Variants in ANK3 observed in about 807,000 individuals in gnomAD.
ANK3 encodes the protein ankyrin 3, also known as ankyrin-3.
Under a neutral mutation model 370.9 loss-of-function variants are expected in ANK3, and 57 were observed. That is an observed-to-expected ratio of 0.15 (90% CI 0.12 to 0.19). ANK3 has a LOEUF of 0.19. Among genes scored for constraint, ANK3 ranks in the 10% least tolerant of loss-of-function variants. The probability of loss-of-function intolerance (pLI) is 1.00; values close to 1 mark genes in which losing one functional copy is unlikely to be tolerated. For synonymous variants in ANK3, 1,929 were observed against 1,946.3 expected, an observed-to-expected ratio of 0.99 and a Z score of 0.23; for missense variants, 4,439 against 5,302.1, an observed-to-expected ratio of 0.84 and a Z score of 5.06.
chr10:60,320,032 C>T (rs1055028320), intron 1 of ANK3, among the ~76,000 whole-genome samples: 4 of 152,176 alleles, frequency 2.6e-5, no homozygotes, highest in African/African-American at 9.7e-5. Context: ...GCTAGGCTGT[C>T]CTTCCTTGAA....
At chr10:60,615,897 A>G (rs923142974) in intron 1 of ANK3, among the ~76,000 whole-genome samples, 3 of 152,206 alleles carry the variant, frequency 2.0e-5, no homozygotes, top group Non-Finnish European at 4.4e-5. Context: ...TTATTCCATC[A>G]GGGAAGAAAT....
intron 7 of ANK3, among the ~76,000 whole-genome samples, chr10:60,235,550 GTTTTTTTT>G (rs72388493): frequency 0.019 from 2,219 of 115,090 alleles, 9 homozygotes; most frequent in Middle Eastern, 0.04. Flanking sequence ...CTGATTTCTT[GTTTTTTTT>G]TTTTTTTTTT....
chr10:60,204,957 G>C (rs552565239), intron 11 of ANK3, among the ~76,000 whole-genome samples: 1 of 152,290 alleles, frequency 6.6e-6, no homozygotes, highest in African/African-American at 2.4e-5. Flanking sequence ...CACAGAGGCA[G>C]AGACATACGG....
At position 60,317,864 on chromosome 10, in the gene ANK3, C is replaced by T. The variant is rs186222896; in HGVS notation, c.115-38225G>A. 2.6e-5 allele frequency among the ~76,000 whole-genome samples: 4 copies of T among 152,166 alleles called. No homozygotes were observed. The East Asian group carries it at 5.8e-4, about 22-fold the overall frequency. On this transcript the variant is annotated intron_variant, in intron 1 of 43. Coordinates refer to ENST00000280772, the MANE Select transcript of ANK3 (RefSeq NM_020987.5). ...GAGTAGCTGGGAATACAGGCACCTG[C>T]CACCATGCCCAGCTAATTTTTTTTG...
intron 1 of ANK3, among the ~76,000 whole-genome samples, chr10:60,670,896 C>T (rs2079057400): frequency 6.6e-6 from 1 of 152,192 alleles, no homozygotes; most frequent in Admixed American, 6.5e-5. Flanking sequence ...TGCTGTTTTA[C>T]ATTTTCCTTC....
At chr10:60,430,931 A>T (rs973265294) in intron 2 of ANK3, among the ~76,000 whole-genome samples, 2 of 152,172 alleles carry the variant, frequency 1.3e-5, no homozygotes, top group African/African-American at 4.8e-5. Context: ...TGTAAACCTT[A>T]TAAGTTTGTT....
intron 1 of ANK3, among the ~76,000 whole-genome samples, chr10:60,634,470 G>A (rs552684700): frequency 1.1e-3 from 173 of 152,036 alleles, no homozygotes; most frequent in African/African-American, 3.8e-3. Context: ...CGGACCAATC[G>A]GCACTCTGTA....
At chr10:60,416,071 A>G (rs1361177256) in intron 2 of ANK3, among the ~76,000 whole-genome samples, 1 of 151,894 alleles carries the variant, frequency 6.6e-6, no homozygotes, top group Admixed American at 6.6e-5. Flanking sequence ...AAGACCCAAG[A>G]AAGACCCTCA....
intron 1 of ANK3, among the ~76,000 whole-genome samples, chr10:60,687,844 T>C (rs1011975881): frequency 6.6e-6 from 1 of 151,994 alleles, no homozygotes; most frequent in African/African-American, 2.4e-5. Flanking sequence ...ATAAAGACAA[T>C]GTGGTATATA....
At chr10:60,680,172 G>C (rs1448361984) in intron 1 of ANK3, among the ~76,000 whole-genome samples, 3 of 149,844 alleles carry the variant, frequency 2.0e-5, no homozygotes, top group African/African-American at 7.4e-5. Flanking sequence ...AAGAATAAAA[G>C]GAAAAAAAAA....
rs772282720 is a variant in ANK3, at chr10:60,075,209, G to A, written c.5672C>T (p.Thr1891Ile). 1.4e-5 allele frequency: 22 copies of A among 1,614,060 alleles called. No homozygotes were observed. Among genetic ancestry groups the A allele is most frequent in the Non-Finnish European group, 1.3e-5 (15 of 1,180,034 alleles). ...FLAPSALKLS[T>I]PSSLSSSQEI... is the part of the protein sequence containing the mutation. Reference sequence around the variant, plus strand: ...CTGACTGGAAGATAAAGAAGATGGTGTAGACAACTTAAGGGCAGAGGGTGC... The same window carrying A: ...CTGACTGGAAGATAAAGAAGATGGTATAGACAACTTAAGGGCAGAGGGTGC... The change falls in exon 37 of 44, where the codon ACA becomes ATA. Residue 1891 changes from threonine to isoleucine, a missense_variant. Around this residue, in one of 13 missense-constraint regions of ANK3, gnomAD observed 679 missense variants for 791.0 expected, o/e 0.86. Transcript: ENST00000280772.
At chr10:60,479,120 T>G (rs556087031) in intron 2 of ANK3, among the ~76,000 whole-genome samples, 1 of 152,270 alleles carries the variant, frequency 6.6e-6, no homozygotes, top group African/African-American at 2.4e-5. Flanking sequence ...GTCCTAGGAA[T>G]CGCTTGAAAT....
chr10:60,223,270 C>G (rs146806522), intron 8 of ANK3, among the ~76,000 whole-genome samples: 148 of 152,320 alleles, frequency 9.7e-4, no homozygotes, highest in African/African-American at 3.4e-3. Context: ...GACATTTCCT[C>G]TTAGTAATTT....
chr10:60,676,643 G>A (rs145734243), intron 1 of ANK3, among the ~76,000 whole-genome samples: 240 of 152,252 alleles, frequency 1.6e-3, no homozygotes, highest in African/African-American at 5.4e-3. Flanking sequence ...CTTCAATGTC[G>A]TGTTGAAAAG....
At chr10:60,412,262 C>T (rs767676838) in intron 2 of ANK3, among the ~76,000 whole-genome samples, 1 of 152,090 alleles carries the variant, frequency 6.6e-6, no homozygotes, top group African/African-American at 2.4e-5. Flanking sequence ...GACTCAGTAG[C>T]GTAGATTGCC....
intron 26 of ANK3, among the ~76,000 whole-genome samples, chr10:60,112,642 T>C (rs1373533829): frequency 6.6e-6 from 1 of 152,210 alleles, no homozygotes; most frequent in African/African-American, 2.4e-5. Context: ...GTCTGATTTT[T>C]TATTTGTAAA....
chr10:60,379,042 T>G (rs1221489632), intron 1 of ANK3, among the ~76,000 whole-genome samples: 1 of 152,004 alleles, frequency 6.6e-6, no homozygotes, highest in Non-Finnish European at 1.5e-5. Flanking sequence ...GATTTAAAAA[T>G]GGGCAAATTA....
At chr10:60,089,732 C>G (rs987779678) in intron 28 of ANK3, among the ~76,000 whole-genome samples, 1 of 151,918 alleles carries the variant, frequency 6.6e-6, no homozygotes, top group Non-Finnish European at 1.5e-5. Context: ...AAGAATTATA[C>G]ATAGGAATAG....
intron 2 of ANK3, among the ~76,000 whole-genome samples, chr10:60,519,000 G>A (rs1055266685): frequency 6.6e-6 from 1 of 152,134 alleles, no homozygotes; most frequent in African/African-American, 2.4e-5. Context: ...TTAGGGATGA[G>A]CAATGAAGTT....
Sources: gnomAD v4.1 joint callset for allele counts (sites outside exome capture counted in the v4.1 genomes callset) on GRCh38, gnomAD v4.1.1 for gene constraint, gnomAD v4.1.1 regional missense constraint, MANE v1.5 for transcripts, NCBI Gene and HGNC (gene_info 2026-07-23, HGNC 2026-07-21) for gene names.